FGD4: variants seen among roughly 807,000 people sequenced by gnomAD.
FGD4 encodes the protein FYVE, RhoGEF and PH domain-containing protein 4.
In FGD4, 42 loss-of-function variants were observed where a neutral mutation model predicts 102.0. The observed-to-expected ratio is 0.41, with a 90% CI of 0.32 to 0.53. The LOEUF is 0.53. Among genes scored for constraint, FGD4 ranks in the 20% least tolerant of loss-of-function variants. The probability of loss-of-function intolerance (pLI) is 0.21; values close to 1 mark genes in which losing one functional copy is unlikely to be tolerated. For missense variants in FGD4, 902 were observed against 1,078.2 expected (o/e 0.84, Z 2.29); for synonymous variants, 380 against 375.7 (o/e 1.01, Z -0.13).
At chr12:32,427,136 A>T (rs1226899968) in intron 1 of FGD4, among the ~76,000 whole-genome samples, 1 of 150,924 alleles carries the variant, frequency 6.6e-6, no homozygotes, top group East Asian at 1.9e-4. Flanking sequence ...TTGCTTCTCT[A>T]GTTCTTTTAA....
chr12:32,625,647 T>C lies in FGD4; in HGVS notation c.2047-7T>C, dbSNP rs11052113. The stretch of plus-strand genomic sequence containing the variant: ...CTATTAAAATTGAATCTTTCTTCCC[T>C]TTTTAGACTGCTGAGCTAGGGAAAA... On this transcript the variant is annotated splice_polypyrimidine_tract_variant and splice_region_variant and intron_variant, in intron 13 of 16. Transcript: ENST00000534526. 0.14 allele frequency: 220,731 copies of C among 1,613,064 alleles called. 16,562 individuals are homozygous for C. The highest frequency in any genetic ancestry group is 0.23 in the African/African-American group (17,153 of 74,900).
chr12:32,632,459 G>C (rs969964921), intron 14 of FGD4, among the ~76,000 whole-genome samples: 5 of 152,194 alleles, frequency 3.3e-5, no homozygotes, highest in Admixed American at 2.6e-4. Context: ...CATCTGAAGG[G>C]TGAGCGTTAA....
intron 1 of FGD4, among the ~76,000 whole-genome samples, chr12:32,491,958 C>G (rs535680929): frequency 1.7e-4 from 26 of 152,302 alleles, no homozygotes; most frequent in South Asian, 1.5e-3. Flanking sequence ...ATCCCAATTG[C>G]TTGTTAACAT....
At chr12:32,435,270 G>A (rs924706094) in intron 1 of FGD4, among the ~76,000 whole-genome samples, 1 of 151,988 alleles carries the variant, frequency 6.6e-6, no homozygotes, top group East Asian at 1.9e-4. Flanking sequence ...AAAGTGAAAT[G>A]AAACTAGTTG....
chr12:32,565,424 A>G (rs1472617651), intron 2 of FGD4, among the ~76,000 whole-genome samples: 1 of 152,218 alleles, frequency 6.6e-6, no homozygotes, highest in Non-Finnish European at 1.5e-5. Context: ...ACGTGAATAT[A>G]AACATAGGAC....
At chr12:32,638,909 T>G in intron 16 of FGD4, 114 bp downstream of exon 16, 1 of 1,548,846 alleles carries the variant, frequency 6.5e-7, no homozygotes, top group Non-Finnish European at 8.7e-7. Flanking sequence ...CACTGTTTCA[T>G]TAAAATTGAA....
At chr12:32,486,967 A>G (rs944493473) in intron 1 of FGD4, among the ~76,000 whole-genome samples, 1 of 152,134 alleles carries the variant, frequency 6.6e-6, no homozygotes, top group Non-Finnish European at 1.5e-5. Context: ...CTGAGGCTAT[A>G]CTGTTTATGG....
chr12:32,476,425 T>C (rs1388044784), intron 1 of FGD4, among the ~76,000 whole-genome samples: 1 of 152,238 alleles, frequency 6.6e-6, no homozygotes, highest in Non-Finnish European at 1.5e-5. Context: ...ATTAGATTTA[T>C]TTCCAAGATA....
intron 4 of FGD4, among the ~76,000 whole-genome samples, chr12:32,593,581 T>C (rs925640995): frequency 6.6e-6 from 1 of 152,238 alleles, no homozygotes; most frequent in African/African-American, 2.4e-5. Flanking sequence ...AGCTAAAGCA[T>C]GCTTTGCAGT....
intron 1 of FGD4, among the ~76,000 whole-genome samples, chr12:32,498,387 G>C (rs1015457663): frequency 6.6e-6 from 1 of 152,124 alleles, no homozygotes; most frequent in African/African-American, 2.4e-5. Flanking sequence ...GTGATAACAA[G>C]CTGGTGAAAA....
At chr12:32,615,320 T>G (rs542401848) in intron 10 of FGD4, among the ~76,000 whole-genome samples, 2 of 152,164 alleles carry the variant, frequency 1.3e-5, no homozygotes, top group African/African-American at 4.8e-5. Flanking sequence ...TAGCAAGGAA[T>G]GGAAAATGGA....
intron 11 of FGD4, among the ~76,000 whole-genome samples, chr12:32,620,637 C>G (rs1311395596): frequency 6.7e-6 from 1 of 149,296 alleles, no homozygotes; most frequent in Non-Finnish European, 1.5e-5. Context: ...AGCTATTCTC[C>G]TGGCTCAGCC....
intron 3 of FGD4, among the ~76,000 whole-genome samples, chr12:32,580,646 G>A (rs979379250): frequency 1.3e-5 from 2 of 152,142 alleles, no homozygotes; most frequent in Non-Finnish European, 2.9e-5. Context: ...CCAGCACTTT[G>A]GGAGGCCGAG....
intron 1 of FGD4, among the ~76,000 whole-genome samples, chr12:32,437,212 G>A (rs188021662): frequency 1.3e-5 from 2 of 152,136 alleles, no homozygotes; most frequent in Admixed American, 6.5e-5. Context: ...CGGGTCAGAC[G>A]TTTGGCCAGA....
At chr12:32,597,816 G>A (rs1385413749) in intron 4 of FGD4, among the ~76,000 whole-genome samples, 2 of 152,212 alleles carry the variant, frequency 1.3e-5, no homozygotes, top group Non-Finnish European at 2.9e-5. Flanking sequence ...GATACTTGTT[G>A]AATCTCATTG....
In FGD4 at chr12:32,561,070, G is replaced by GTTTTTTTTTTTTTTT. The variant is rs1267043755; in HGVS notation, c.167-3063_167-3062insTTTTTTTTTTTTTTT. Among the ~76,000 whole-genome samples the GTTTTTTTTTTTTTTT allele has an allele frequency of 1.9e-3, 171 of 90,788 alleles. 41 individuals are homozygous for GTTTTTTTTTTTTTTT. Among genetic ancestry groups the GTTTTTTTTTTTTTTT allele is most frequent in the Non-Finnish European group, 2.7e-3 (124 of 46,036 alleles). 59.6% of individuals were successfully genotyped at this position (90,788 alleles called of 152,430 possible). On this transcript the variant is annotated intron_variant, in intron 1 of 16. Coordinates refer to ENST00000534526, the MANE Select transcript of FGD4 (RefSeq NM_001370298.3). The stretch of plus-strand genomic sequence containing the variant: ...AGCAGAAATGTGGTTTCTTTGTTGG[G>GTTTTTTTTTTTTTTT]TTTTGTTTTTTTTTTTTTTTTTTTT...
chr12:32,547,078 C>G (rs1041322273), intron 1 of FGD4, among the ~76,000 whole-genome samples: 1 of 152,080 alleles, frequency 6.6e-6, no homozygotes, highest in African/African-American at 2.4e-5. Context: ...CAGTGAAAGC[C>G]AAAGAATCAA....
At chr12:32,510,599 TGTAA>T (rs1261701135) in intron 1 of FGD4, among the ~76,000 whole-genome samples, 2 of 152,306 alleles carry the variant, frequency 1.3e-5, no homozygotes, top group East Asian at 3.9e-4. Context: ...ATAAACCTGT[TGTAA>T]GTAATAGTAA....
intron 11 of FGD4, among the ~76,000 whole-genome samples, chr12:32,622,977 T>C (rs1949938035): frequency 6.6e-6 from 1 of 152,166 alleles, no homozygotes; most frequent in Non-Finnish European, 1.5e-5. Context: ...AAAAAGTGGG[T>C]ATATATTTGG....
Sources: allele counts gnomAD v4.1 joint callset (sites outside exome capture counted in the v4.1 genomes callset), GRCh38; gene constraint gnomAD v4.1.1; transcripts MANE v1.5; gene names NCBI Gene and HGNC (gene_info 2026-07-23, HGNC 2026-07-21).